The following KLRG1 variants were observed in gnomAD, a reference collection of about 807,000 sequenced individuals.
The protein encoded by KLRG1 is killer cell lectin-like receptor subfamily G member 1.
KLRG1 carries 16 observed loss-of-function variants against 21.8 expected under a neutral mutation model. That is an observed-to-expected ratio of 0.73 (90% CI 0.50 to 1.11). The LOEUF is 1.11. Among genes scored for constraint, KLRG1 ranks in the 50% most tolerant of loss-of-function variants. KLRG1 has a pLI of 0.00. For synonymous variants in KLRG1, 69 were observed against 75.9 expected, an observed-to-expected ratio of 0.91 and a Z score of 0.47; for missense variants, 173 against 218.3, an observed-to-expected ratio of 0.79 and a Z score of 1.31.
the KLRG1 span, chr12:9,115,739 T>G: frequency 6.3e-7 from 1 of 1,580,588 alleles, no homozygotes; most frequent in African/African-American, 1.3e-5. Flanking sequence ...AGGTTCATGC[T>G]TCACGCTCTC....
the KLRG1 span, among the ~76,000 whole-genome samples, chr12:9,154,410 T>G: frequency 6.6e-6 from 1 of 152,260 alleles, no homozygotes; most frequent in Non-Finnish European, 1.5e-5. Flanking sequence ...GTCTCCATGT[T>G]GCTAATATAT....
chr12:9,086,306 T>C, the KLRG1 span, among the ~76,000 whole-genome samples: 81,159 of 151,948 alleles, frequency 0.53, 22,836 homozygotes, highest in African/African-American at 0.69. Context: ...GGTGGTAGGA[T>C]TGCTTGAACT....
At chr12:9,076,728 A>C in the KLRG1 span, 8 of 1,613,162 alleles carry the variant, frequency 5.0e-6, no homozygotes, top group Non-Finnish European at 6.8e-6. Context: ...AGGATGGGCC[A>C]GGAGAAGGAT....
chr12:9,108,993 G>A, the KLRG1 span, among the ~76,000 whole-genome samples: 1 of 151,820 alleles, frequency 6.6e-6, no homozygotes, highest in Non-Finnish European at 1.5e-5. Context: ...TTTTGGTTAA[G>A]GCAGAACCAA....
At chr12:9,165,832 A>G in the KLRG1 span, among the ~76,000 whole-genome samples, 3 of 152,234 alleles carry the variant, frequency 2.0e-5, no homozygotes, top group Non-Finnish European at 4.4e-5. Flanking sequence ...CATGTCTACT[A>G]TTTGACAGTA....
chr12:9,132,874 A>G, the KLRG1 span, among the ~76,000 whole-genome samples: 1 of 152,232 alleles, frequency 6.6e-6, no homozygotes, highest in African/African-American at 2.4e-5. Flanking sequence ...ATATCCAATT[A>G]TGAAACACTA....
the KLRG1 span, chr12:9,162,664 A>G: frequency 1.2e-5 from 19 of 1,560,550 alleles, no homozygotes; most frequent in South Asian, 2.0e-4. Flanking sequence ...ATGAAAGGAA[A>G]GAAAAGGAGA....
At chr12:9,104,266 A>C in the KLRG1 span, 6 of 1,612,882 alleles carry the variant, frequency 3.7e-6, no homozygotes, top group African/African-American at 1.3e-5. Context: ...TACCCATAAC[A>C]TTGGTGGTGT....
chr12:9,095,091 A>T, the KLRG1 span: 7 of 1,464,274 alleles, frequency 4.8e-6, no homozygotes, highest in African/African-American at 8.4e-5. Context: ...TGTCCTGCAA[A>T]GAAAATTATC....
the KLRG1 span, among the ~76,000 whole-genome samples, chr12:9,143,403 C>T: frequency 6.6e-6 from 1 of 151,950 alleles, no homozygotes; most frequent in Non-Finnish European, 1.5e-5. Context: ...AGGGTTCGGA[C>T]AGGCAAGAAG....
chr12:9,117,840 A>C, the KLRG1 span, among the ~76,000 whole-genome samples: 1 of 151,688 alleles, frequency 6.6e-6, no homozygotes, highest in Non-Finnish European at 1.5e-5. Flanking sequence ...CCAAAATATG[A>C]TCATTTCAAC....
At chr12:9,127,954 T>C in the KLRG1 span, 2 of 329,340 alleles carry the variant, frequency 6.1e-6, no homozygotes, top group East Asian at 9.4e-5. Flanking sequence ...CGGATTGTCT[T>C]GCAGATTGAC....
the KLRG1 span, chr12:9,208,355 T>C: frequency 6.2e-7 from 1 of 1,607,710 alleles, no homozygotes; most frequent in South Asian, 1.1e-5. Context: ...GAGGGATAAA[T>C]CTCAGGGTTG....
chr12:9,009,630 A>C lies in KLRG1; in HGVS notation c.*93A>C. ...GCTGTTGGGAAAGCCATGAGTATAT[A>C]GTTAGCAAATACTGAACTTTCTCAG... On this transcript the variant is annotated 3_prime_UTR_variant, in exon 5 of 5. Transcript: ENST00000356986. 1 of 1,520,756 alleles carries C rather than the reference A, an allele frequency of 6.6e-7. No individual in the cohort carries two copies. Among genetic ancestry groups the C allele is most frequent in the South Asian group, 1.3e-5 (1 of 77,684 alleles). 94.2% of individuals were successfully genotyped at this position (1,520,756 alleles called of 1,614,324 possible). A position where few individuals can be genotyped will look rare whatever the true frequency, so the allele number is the denominator to read the frequency against.
chr12:9,131,709 A>G, the KLRG1 span, among the ~76,000 whole-genome samples: 1 of 152,054 alleles, frequency 6.6e-6, no homozygotes, highest in South Asian at 2.1e-4. Flanking sequence ...TACATACTAT[A>G]TATACGTTTA....
the KLRG1 span, among the ~76,000 whole-genome samples, chr12:9,024,018 ATTTTTTTTT>A: frequency 6.6e-3 from 469 of 70,940 alleles, 4 homozygotes; most frequent in African/African-American, 0.026. Context: ...GAACACATGG[ATTTTTTTTT>A]TTTTTTTTTT....
the KLRG1 span, chr12:9,067,195 G>GA: frequency 6.5e-6 from 1 of 154,934 alleles, no homozygotes; most frequent in Non-Finnish European, 1.4e-5. Context: ...CTTCTTCTGA[G>GA]AAAACGTGCT....
intron 1 of KLRG1, among the ~76,000 whole-genome samples, chr12:8,964,782 A>G (rs753552040): frequency 5.3e-5 from 8 of 150,518 alleles, no homozygotes; most frequent in Admixed American, 2.0e-4. Flanking sequence ...TCCCTTTACC[A>G]TTATGTAATG....
At chr12:9,182,125 A>C in the KLRG1 span, 1 of 852,714 alleles carries the variant, frequency 1.2e-6, no homozygotes, top group South Asian at 2.5e-5. Context: ...TCACTGGAAC[A>C]TGGAGAGAGT....
Sources: allele counts gnomAD v4.1 joint callset (sites outside exome capture counted in the v4.1 genomes callset), GRCh38; gene constraint gnomAD v4.1.1; transcripts MANE v1.5; gene names NCBI Gene and HGNC (gene_info 2026-07-23, HGNC 2026-07-21).